TMC5: variants seen among roughly 807,000 people sequenced by gnomAD.
TMC5 encodes transmembrane channel-like protein 5.
Under a neutral mutation model 110.5 loss-of-function variants are expected in TMC5, and 86 were observed. That is an observed-to-expected ratio of 0.78 (90% CI 0.65 to 0.93). The LOEUF (loss-of-function observed/expected upper bound fraction) is 0.93, where lower values mean the gene tolerates loss of function less well. Among genes scored for constraint, TMC5 ranks in the 40% least tolerant of loss-of-function variants. The pLI, the probability that TMC5 is intolerant of heterozygous loss-of-function variation, is 0.00. For missense variants in TMC5, 1,144 were observed against 1,222.8 expected (o/e 0.94, Z 0.96); for synonymous variants, 455 against 439.5 (o/e 1.04, Z -0.44).
intron 2 of TMC5, among the ~76,000 whole-genome samples, chr16:19,436,190 A>T (rs917768748): frequency 1.4e-5 from 2 of 142,582 alleles, no homozygotes; most frequent in Non-Finnish European, 3.0e-5. Flanking sequence ...GAACCCGGGG[A>T]TGGGGGTGCG....
At chr16:19,483,094 C>T (rs905622883) in intron 15 of TMC5, among the ~76,000 whole-genome samples, 2 of 152,064 alleles carry the variant, frequency 1.3e-5, no homozygotes, top group Non-Finnish European at 2.9e-5. Context: ...CTCCTGGCTT[C>T]AAGTGACCCA....
intron 3 of TMC5, 44 bp downstream of exon 3, chr16:19,440,870 T>C (rs1597172255): frequency 6.4e-7 from 1 of 1,558,864 alleles, no homozygotes; most frequent in Non-Finnish European, 8.7e-7. Context: ...GGATGCTGAG[T>C]GCTGAATCAT....
chr16:19,419,321 CTTATTA>C (rs760364877), intron 1 of TMC5, among the ~76,000 whole-genome samples: 9 of 147,076 alleles, frequency 6.1e-5, no homozygotes, highest in East Asian at 2.0e-4. Context: ...TTATTATTAA[CTTATTA>C]TTATTGTTAT....
Position 19,498,057 on chromosome 16 carries a change from GC to G in TMC5, c.*94del. 1 of 1,293,786 alleles carries G rather than the reference GC, an allele frequency of 7.7e-7. No individual in the cohort carries two copies. Among genetic ancestry groups the G allele is most frequent in the Non-Finnish European group, 1.1e-6 (1 of 892,330 alleles). 80.1% of individuals were successfully genotyped at this position (1,293,786 alleles called of 1,614,324 possible). On this transcript the variant is annotated 3_prime_UTR_variant, in exon 22 of 22. Transcript: ENST00000542583. ...CATGCCACCTGTGCCTTTAGGAACT[GC>G]CCAGAAGAAAATCCAAGGCTTTAGC... is the stretch of plus-strand genomic sequence containing the variant.
At chr16:19,422,346 A>G (rs1320675381) in intron 1 of TMC5, among the ~76,000 whole-genome samples, 1 of 152,156 alleles carries the variant, frequency 6.6e-6, no homozygotes, top group Non-Finnish European at 1.5e-5. Context: ...GAATGGGGTG[A>G]AAAGAGGGAC....
intron 17 of TMC5, among the ~76,000 whole-genome samples, chr16:19,488,696 G>T (rs1968811581): frequency 6.6e-6 from 1 of 152,102 alleles, no homozygotes; most frequent in African/African-American, 2.4e-5. Context: ...CTCCTTGTCT[G>T]CTCTCAGTTC....
chr16:19,484,199 T>C (rs1273900977), intron 15 of TMC5, among the ~76,000 whole-genome samples: 1 of 152,222 alleles, frequency 6.6e-6, no homozygotes, highest in Non-Finnish European at 1.5e-5. Flanking sequence ...TTTTATTTTC[T>C]GACTCTTTAA....
intron 2 of TMC5, among the ~76,000 whole-genome samples, chr16:19,434,183 A>T (rs1486877066): frequency 2.9e-5 from 2 of 69,658 alleles, no homozygotes; most frequent in Non-Finnish European, 2.3e-5. Flanking sequence ...GATCTATTAG[A>T]TATATAATAT....
At chr16:19,445,216 A>G (rs1967587402) in intron 4 of TMC5, among the ~76,000 whole-genome samples, 2 of 152,110 alleles carry the variant, frequency 1.3e-5, no homozygotes, top group African/African-American at 4.8e-5. Flanking sequence ...TGTTGTGTGT[A>G]TAGATAAGAT....
rs1465623122 is a variant in TMC5 at position 19,481,395 on chromosome 16, A to G, written c.2293A>G (p.Ser765Gly). Reference sequence around the variant, plus strand: ...AATCATTGGGATGCAACTGATCACAAGTCTTGGCCTTCAGGAGTTTGACAT... The same window carrying G: ...AATCATTGGGATGCAACTGATCACAGGTCTTGGCCTTCAGGAGTTTGACAT... ...RRIIGMQLIT[S>G]LGLQEFDIAR... The change falls in exon 15 of 22, where the codon AGT (serine) becomes GGT (glycine). Residue 765 changes from serine (S) to glycine (G), a missense_variant. Coordinates refer to ENST00000542583, the MANE Select transcript of TMC5 (RefSeq NM_001261841.2). The G allele has an allele frequency of 7.4e-6, 12 of 1,613,912 alleles. No homozygotes were observed. The highest frequency in any genetic ancestry group is 1.7e-5 in the Admixed American group (1 of 59,990).
chr16:19,412,036 T>C (rs556669918), intron 1 of TMC5, among the ~76,000 whole-genome samples: 4 of 152,140 alleles, frequency 2.6e-5, no homozygotes, highest in Non-Finnish European at 5.9e-5. Context: ...ATCTGTAAAA[T>C]GAGGACAATA....
chr16:19,438,974 A>G (rs1345092356), intron 2 of TMC5, among the ~76,000 whole-genome samples: 1 of 152,216 alleles, frequency 6.6e-6, no homozygotes, highest in East Asian at 1.9e-4. Context: ...ATGACATAGA[A>G]AAAATGGAAG....
intron 9 of TMC5, among the ~76,000 whole-genome samples, chr16:19,468,850 G>T (rs1379721733): frequency 6.6e-6 from 1 of 152,138 alleles, no homozygotes; most frequent in African/African-American, 2.4e-5. Context: ...TGATTAGCTG[G>T]GTGTGGTGGC....
At chr16:19,489,300 A>G (rs1968826730) in intron 17 of TMC5, among the ~76,000 whole-genome samples, 1 of 152,148 alleles carries the variant, frequency 6.6e-6, no homozygotes, top group Admixed American at 6.6e-5. Context: ...AGCTGGGACT[A>G]TAGGCACACA....
chr16:19,487,068 T>G (rs1968761836), intron 16 of TMC5, 48 bp downstream of exon 16: 1 of 1,610,860 alleles, frequency 6.2e-7, no homozygotes, highest in African/African-American at 1.3e-5. Context: ...CAGTCACCTG[T>G]GACCTGGTGG....
At chr16:19,469,187 C>T (rs1443926240) in intron 9 of TMC5, among the ~76,000 whole-genome samples, 1 of 151,924 alleles carries the variant, frequency 6.6e-6, no homozygotes, top group African/African-American at 2.4e-5. Context: ...AACCCTGCCT[C>T]TACTAAAAAT....
chr16:19,477,351 A>G lies in TMC5; in HGVS notation c.2091-89A>G, dbSNP rs1247905791. Reference sequence around the variant, plus strand: ...CCAACCACAGGGGCCAGGAATTTCTATCTTACCATGTGCCCCAAAGGAGCT... The same window carrying G: ...CCAACCACAGGGGCCAGGAATTTCTGTCTTACCATGTGCCCCAAAGGAGCT... On this transcript the variant is annotated intron_variant, in intron 12 of 21. Coordinates refer to ENST00000542583, the MANE Select transcript of TMC5 (RefSeq NM_001261841.2). 34 of 992,054 alleles carry G rather than the reference A, an allele frequency of 3.4e-5. 1 individual carries two copies. The highest frequency in any genetic ancestry group is 5.0e-5 in the Non-Finnish European group (31 of 621,974). The allele number at this position is 992,054 out of a possible 1,614,324, so 61.5% of individuals were successfully genotyped here. A position where few individuals can be genotyped will look rare whatever the true frequency, so the allele number is the denominator to read the frequency against.
chr16:19,448,681 A>G (rs1484676953), intron 4 of TMC5, among the ~76,000 whole-genome samples: 2 of 79,888 alleles, frequency 2.5e-5, no homozygotes, highest in Non-Finnish European at 4.6e-5. Flanking sequence ...ATTAAAATAT[A>G]TATTTATAGA....
At chr16:19,463,663 C>T (rs1043492034) in intron 7 of TMC5, 113 bp from the exon 8 acceptor site, 10 of 1,291,440 alleles carry the variant, frequency 7.7e-6, no homozygotes, top group Non-Finnish European at 1.1e-5. Context: ...AGCATGGTGC[C>T]TGCACTTAAC....
Sources: allele counts gnomAD v4.1 joint callset (sites outside exome capture counted in the v4.1 genomes callset), GRCh38; gene constraint gnomAD v4.1.1; transcripts MANE v1.5; gene names NCBI Gene and HGNC (gene_info 2026-07-23, HGNC 2026-07-21).